Variants in CSMD1 observed in about 807,000 individuals in gnomAD.
CSMD1 encodes CUB and sushi domain-containing protein 1.
CSMD1 carries 213 observed loss-of-function variants against 417.5 expected under a neutral mutation model. The observed-to-expected ratio is 0.51, with a 90% CI of 0.46 to 0.57. The LOEUF (loss-of-function observed/expected upper bound fraction) is 0.57. Among genes scored for constraint, CSMD1 ranks in the 20% least tolerant of loss-of-function variants. The probability of loss-of-function intolerance (pLI) is 0.00; values close to 1 mark genes in which losing one functional copy is unlikely to be tolerated. For missense variants in CSMD1, 6,923 were observed against 4,529.7 expected (o/e 1.53, Z -15.17); for synonymous variants, 2,862 against 1,736.8 (o/e 1.65, Z -16.11).
intron 3 of CSMD1, among the ~76,000 whole-genome samples, chr8:4,202,749 A>G (rs369468278): frequency 1.2e-4 from 19 of 152,342 alleles, no homozygotes; most frequent in East Asian, 1.2e-3. Context: ...AAGTGTTACA[A>G]AGGGAGAAAA....
At chr8:4,937,784 G>GCA (rs112025933) in intron 1 of CSMD1, among the ~76,000 whole-genome samples, 33,230 of 149,494 alleles carry the variant, frequency 0.22, 3,728 homozygotes, top group East Asian at 0.37. Context: ...AGTGGCGCGT[G>GCA]CACACACACA....
chr8:4,110,005 G>A (rs1002757281), intron 3 of CSMD1, among the ~76,000 whole-genome samples: 1 of 152,118 alleles, frequency 6.6e-6, no homozygotes, highest in African/African-American at 2.4e-5. Flanking sequence ...ATCATCCTGT[G>A]TTAACTAAAA....
Position 3,616,814 on chromosome 8 carries a change from C to G in CSMD1, c.1010-17G>C, listed in dbSNP as rs746059471. ...CTTGGCTCACTGTAATAGACAGAAA[C>G]ATTGTCAAAATGCTGTATAGTTATT... On this transcript the variant is annotated splice_polypyrimidine_tract_variant and intron_variant, in intron 7 of 69. Coordinates refer to ENST00000635120, the MANE Select transcript of CSMD1 (RefSeq NM_033225.6). 2 of 1,572,404 alleles carry G rather than the reference C, an allele frequency of 1.3e-6. No individual in the cohort carries two copies. The highest frequency in any genetic ancestry group is 1.7e-6 in the Non-Finnish European group (2 of 1,146,106).
intron 1 of CSMD1, among the ~76,000 whole-genome samples, chr8:4,673,698 AACCCAC>A (rs1461977279): frequency 2.0e-5 from 3 of 152,188 alleles, no homozygotes; most frequent in Non-Finnish European, 4.4e-5. Context: ...CCCCCAAGAA[AACCCAC>A]AGCTGGTCAA....
chr8:3,476,691 G>C (rs1029015108), intron 11 of CSMD1, among the ~76,000 whole-genome samples: 1 of 152,030 alleles, frequency 6.6e-6, no homozygotes, highest in Admixed American at 6.6e-5. Flanking sequence ...GCCAAGGCGG[G>C]CAGATTACTT....
chr8:4,476,085 T>C (rs1428177428), intron 2 of CSMD1, among the ~76,000 whole-genome samples: 1 of 151,932 alleles, frequency 6.6e-6, no homozygotes. Context: ...TTTAATTATA[T>C]ATATTTAATA....
chr8:3,708,640 G>T, intron 6 of CSMD1, 149 bp from the exon 7 acceptor site: 1 of 642,602 alleles, frequency 1.6e-6, no homozygotes, highest in African/African-American at 1.8e-5. Context: ...CCAAGTCAAT[G>T]AAGTCAAAGA....
At chr8:4,778,962 A>G (rs1339485340) in intron 1 of CSMD1, among the ~76,000 whole-genome samples, 3 of 152,234 alleles carry the variant, frequency 2.0e-5, no homozygotes, top group African/African-American at 4.8e-5. Flanking sequence ...CATAATGTTA[A>G]GAATGTTTAG....
chr8:3,790,293 G>C (rs1287027948), intron 5 of CSMD1, among the ~76,000 whole-genome samples: 2 of 152,206 alleles, frequency 1.3e-5, no homozygotes, highest in Admixed American at 1.3e-4. Flanking sequence ...GATGAAGTAA[G>C]TCATGTGTAG....
Position 3,690,356 on chromosome 8 carries a change from A to T in CSMD1, c.1009+18058T>A, listed in dbSNP as rs549867001. ...GGGTGACAGAACGAGACTCTGTCTC[A>T]AAACAAAACAAAACAAAAATTACCT... On this transcript the variant is annotated intron_variant, in intron 7 of 69. Coordinates refer to ENST00000635120, the MANE Select transcript of CSMD1 (RefSeq NM_033225.6). 5.9e-5 allele frequency among the ~76,000 whole-genome samples: 9 copies of T among 152,354 alleles called. No individual in the cohort carries two copies. The South Asian group carries it at 1.0e-3, about 18-fold the overall frequency.
At chr8:4,450,185 G>T (rs541579099) in intron 2 of CSMD1, among the ~76,000 whole-genome samples, 1 of 152,102 alleles carries the variant, frequency 6.6e-6, no homozygotes, top group African/African-American at 2.4e-5. Context: ...AAACCGAACT[G>T]GGCAACAATT....
rs146080310 is a variant in CSMD1, at chr8:4,288,144, A to G, written c.415+131809T>C. ...TCTGTTCCTGCAGCATTAAAGTTTGACTGAGAAAAGAAAACACTAGAGAGT... is the reference window on the plus strand; with the variant it reads ...TCTGTTCCTGCAGCATTAAAGTTTGGCTGAGAAAAGAAAACACTAGAGAGT... On this transcript the variant is annotated intron_variant, in intron 3 of 69. Coordinates refer to ENST00000635120, the MANE Select transcript of CSMD1 (RefSeq NM_033225.6). Among the ~76,000 whole-genome samples the G allele has an allele frequency of 6.2e-3, 944 of 152,218 alleles. 9 individuals carry two copies. The highest frequency in any genetic ancestry group is 0.02 in the African/African-American group (816 of 41,542).
intron 30 of CSMD1, among the ~76,000 whole-genome samples, chr8:3,209,417 T>C (rs982109279): frequency 1.3e-5 from 2 of 151,962 alleles, no homozygotes; most frequent in Non-Finnish European, 2.9e-5. Context: ...CCCGGGTTCA[T>C]GCCATTCTCC....
At chr8:4,078,920 T>C (rs1317860608) in intron 3 of CSMD1, among the ~76,000 whole-genome samples, 7 of 25,326 alleles carry the variant, frequency 2.8e-4, no homozygotes, top group East Asian at 2.0e-3. Context: ...TATATATATA[T>C]ATATATATAT....
At chr8:4,897,845 G>C (rs554462570) in intron 1 of CSMD1, among the ~76,000 whole-genome samples, 1 of 152,244 alleles carries the variant, frequency 6.6e-6, no homozygotes, top group Non-Finnish European at 1.5e-5. Context: ...ATGCTAAGAA[G>C]AGAAAGGCAA....
Position 4,498,159 on chromosome 8 carries a change from C to T in CSMD1, c.303-78094G>A, listed in dbSNP as rs139649109. Among the ~76,000 whole-genome samples the T allele has an allele frequency of 3.0e-4, 46 of 152,236 alleles. No homozygotes were observed. The East Asian group carries it at 5.6e-3, about 19-fold the overall frequency. ...AAAGTAACCTAATCGGGGAGGGACACGCAGTTATCTTTCTACTGTTAATGC... is the reference window on the plus strand; with the variant it reads ...AAAGTAACCTAATCGGGGAGGGACATGCAGTTATCTTTCTACTGTTAATGC... On this transcript the variant is annotated intron_variant, in intron 2 of 69. Transcript: ENST00000635120.
At chr8:4,706,612 G>C (rs763390356) in intron 1 of CSMD1, among the ~76,000 whole-genome samples, 10 of 152,212 alleles carry the variant, frequency 6.6e-5, no homozygotes, top group Non-Finnish European at 1.0e-4. Context: ...GAAGTGTCTA[G>C]TTAGTATAAA....
chr8:4,954,413 G>A (rs1248082937), intron 1 of CSMD1, among the ~76,000 whole-genome samples: 1 of 152,076 alleles, frequency 6.6e-6, no homozygotes, highest in Admixed American at 6.6e-5. Context: ...TTCCAGGTTA[G>A]CACTCCCAAT....
chr8:3,969,845 T>C (rs993752957), intron 5 of CSMD1, among the ~76,000 whole-genome samples: 14 of 152,208 alleles, frequency 9.2e-5, no homozygotes, highest in Admixed American at 2.6e-4. Flanking sequence ...TATCCATCTA[T>C]AAGTGCATTT....
Sources: allele counts gnomAD v4.1 joint callset (sites outside exome capture counted in the v4.1 genomes callset), GRCh38; gene constraint gnomAD v4.1.1; transcripts MANE v1.5; gene names NCBI Gene and HGNC (gene_info 2026-07-23, HGNC 2026-07-21).